The following DSE variants were observed in gnomAD, a reference collection of about 807,000 sequenced individuals.
DSE encodes dermatan-sulfate epimerase.
DSE carries 36 observed loss-of-function variants against 84.4 expected under a neutral mutation model. That is an observed-to-expected ratio of 0.43 (90% CI 0.33 to 0.56). DSE has a LOEUF of 0.56. Among genes scored for constraint, DSE ranks in the 20% least tolerant of loss-of-function variants. The pLI is 0.06. For missense variants in DSE, 862 were observed against 1,169.6 expected (o/e 0.74, Z 3.84); for synonymous variants, 410 against 430.1 (o/e 0.95, Z 0.58).
chr6:116,346,017 A>C (rs1428852953), intron 2 of DSE, among the ~76,000 whole-genome samples: 1 of 152,272 alleles, frequency 6.6e-6, no homozygotes, highest in Non-Finnish European at 1.5e-5. Context: ...TAGAAAATCT[A>C]GAAGAAATGG....
chr6:116,411,023 A>C (rs1277357726), intron 2 of DSE, among the ~76,000 whole-genome samples: 1 of 152,064 alleles, frequency 6.6e-6, no homozygotes, highest in Non-Finnish European at 1.5e-5. Context: ...TAAATAATAA[A>C]GGTTTGGATT....
At chr6:116,328,936 AAAT>A (rs1253431913) in intron 2 of DSE, among the ~76,000 whole-genome samples, 1 of 152,148 alleles carries the variant, frequency 6.6e-6, no homozygotes, top group Non-Finnish European at 1.5e-5. Context: ...AATAAAAATA[AAAT>A]AATAATAAAA....
At position 116,333,221 on chromosome 6, in the gene DSE, CAG is replaced by C. The variant is rs1478629250; in HGVS notation, c.-53-65974_-53-65973del. 3.9e-5 allele frequency among the ~76,000 whole-genome samples: 6 copies of C among 152,156 alleles called. No homozygotes were observed. In the East Asian group the frequency reaches 5.8e-4, roughly 15 times the overall value. On this transcript the variant is annotated intron_variant, in intron 2 of 3. Transcript: ENST00000430252. ...TCTTAGTCCATTTTCTGCTGCATAA[CAG>C]AGTACCATAGACTTGGTGATTTATA...
intron 2 of DSE, among the ~76,000 whole-genome samples, chr6:116,360,017 A>G (rs1778798203): frequency 6.6e-6 from 1 of 152,194 alleles, no homozygotes; most frequent in Non-Finnish European, 1.5e-5. Context: ...ACACCATGGA[A>G]TACTATGCAG....
intron 2 of DSE, among the ~76,000 whole-genome samples, chr6:116,327,169 A>C (rs1739197790): frequency 6.6e-6 from 1 of 152,244 alleles, no homozygotes; most frequent in Non-Finnish European, 1.5e-5. Context: ...TCTCCAGCTT[A>C]TAGAGCTCCA....
chr6:116,413,841 C>G (rs1782533288), intron 2 of DSE, among the ~76,000 whole-genome samples: 1 of 152,176 alleles, frequency 6.6e-6, no homozygotes. Flanking sequence ...TTGATGTTTT[C>G]CCACCATGAG....
At chr6:116,338,219 CTT>C (rs893312210) in intron 2 of DSE, among the ~76,000 whole-genome samples, 24 of 91,222 alleles carry the variant, frequency 2.6e-4, no homozygotes, top group African/African-American at 9.2e-4. Flanking sequence ...TTTCTTCTTT[CTT>C]TTTTTTTTTT....
intron 2 of DSE, among the ~76,000 whole-genome samples, chr6:116,282,718 C>T (rs1773617516): frequency 6.6e-6 from 1 of 152,168 alleles, no homozygotes; most frequent in African/African-American, 2.4e-5. Context: ...TATAACTATT[C>T]CTTGTAGGTG....
At chr6:116,331,586 A>G (rs1776937852) in intron 2 of DSE, among the ~76,000 whole-genome samples, 1 of 152,178 alleles carries the variant, frequency 6.6e-6, no homozygotes, top group African/African-American at 2.4e-5. Flanking sequence ...ACAGAGCCAA[A>G]CCATATCAAT....
At chr6:116,288,005 C>A (rs977476542) in intron 2 of DSE, 12 of 152,046 alleles carry the variant, frequency 7.9e-5, no homozygotes, top group African/African-American at 2.7e-4. Context: ...TCCCACTAAG[C>A]TGTAATTGTT....
chr6:116,350,578 C>T (rs1021564219), intron 2 of DSE, among the ~76,000 whole-genome samples: 3 of 152,026 alleles, frequency 2.0e-5, no homozygotes, highest in African/African-American at 7.2e-5. Context: ...TAAAAAAGTC[C>T]AACTGACACA....
At chr6:116,360,691 AC>A (rs1469620958) in intron 2 of DSE, among the ~76,000 whole-genome samples, 1 of 152,218 alleles carries the variant, frequency 6.6e-6, no homozygotes, top group African/African-American at 2.4e-5. Flanking sequence ...ATGCTCAAAT[AC>A]CACTTTTAAT....
At position 116,436,597 on chromosome 6, in the gene DSE, C is replaced by T. The variant is rs533772643; in HGVS notation, c.2129C>T (p.Ala710Val). The T allele has an allele frequency of 3.2e-5, 51 of 1,614,182 alleles. No individual in the cohort carries two copies. In the African/African-American group the frequency reaches 5.1e-4, roughly 16 times the overall value. ...TGEATGQSAFAQVIADRHKIL... is the reference protein window; with the variant it reads ...TGEATGQSAFVQVIADRHKIL... ...GAGGCCACAGGACAGTCTGCCTTTG[C>T]ACAGGTCATTGCTGATCGTCACAAA... Residue 710 changes from alanine to valine, a missense_variant, in exon 6 of 6, where the codon GCA (alanine) becomes GTA (valine). Ala to Val is a moderately conservative substitution (Grantham distance 64). Coordinates refer to ENST00000644252, the MANE Select transcript of DSE (RefSeq NM_013352.4).
At chr6:116,426,424 C>T in intron 2 of DSE, 150 bp from the exon 3 acceptor site, 1 of 980,018 alleles carries the variant, frequency 1.0e-6, no homozygotes, top group Non-Finnish European at 1.4e-6. Context: ...ACGCTTGTTT[C>T]TAATGTGGAG....
intron 2 of DSE, among the ~76,000 whole-genome samples, chr6:116,342,604 G>T (rs1011883362): frequency 2.6e-5 from 4 of 152,150 alleles, no homozygotes; most frequent in African/African-American, 9.7e-5. Flanking sequence ...TAAGTAACTT[G>T]CCTGGGCAAA....
intron 2 of DSE, among the ~76,000 whole-genome samples, chr6:116,333,593 T>G (rs1041988892): frequency 7.2e-5 from 11 of 152,316 alleles, no homozygotes; most frequent in Non-Finnish European, 1.3e-4. Flanking sequence ...CTTTATGGTA[T>G]GTACATATCT....
chr6:116,287,392 A>T (rs1773982401), intron 2 of DSE, among the ~76,000 whole-genome samples: 1 of 152,098 alleles, frequency 6.6e-6, no homozygotes. Flanking sequence ...CTAAAGCCTA[A>T]AAGAGTTCTT....
chr6:116,301,555 G>A (rs756639450), intron 2 of DSE, among the ~76,000 whole-genome samples: 1 of 152,176 alleles, frequency 6.6e-6, no homozygotes, highest in Non-Finnish European at 1.5e-5. Context: ...TACAGCCAGA[G>A]TGATCTGCTG....
At chr6:116,266,777 G>C (rs1219525532) in intron 2 of DSE, among the ~76,000 whole-genome samples, 1 of 151,830 alleles carries the variant, frequency 6.6e-6, no homozygotes, top group Admixed American at 6.6e-5. Flanking sequence ...TTAACTAATG[G>C]CTTATTTTAC....
Sources: allele counts gnomAD v4.1 joint callset (sites outside exome capture counted in the v4.1 genomes callset), GRCh38; gene constraint gnomAD v4.1.1; transcripts MANE v1.5; gene names NCBI Gene and HGNC (gene_info 2026-07-23, HGNC 2026-07-21).